The following ESRRB variants were observed in gnomAD, a reference collection of about 807,000 sequenced individuals.
The protein encoded by ESRRB is estrogen related receptor beta.
A neutral mutation model predicts 46.0 loss-of-function variants in ESRRB; 16 were observed. That is an observed-to-expected ratio of 0.35 (90% confidence interval 0.24 to 0.53). The LOEUF (loss-of-function observed/expected upper bound fraction) is 0.53. Ranked by LOEUF, ESRRB falls within the 20% of genes least tolerant of loss-of-function variation. The pLI, the probability that ESRRB is intolerant of heterozygous loss-of-function variation, is 0.93. For missense variants in ESRRB, 488 were observed against 607.4 expected, an observed-to-expected ratio of 0.80 and a Z score of 2.07; for synonymous variants, 246 against 259.6, an observed-to-expected ratio of 0.95 and a Z score of 0.50.
At chr14:76,486,549 A>T (rs1034682395) in intron 5 of ESRRB, among the ~76,000 whole-genome samples, 3 of 149,242 alleles carry the variant, frequency 2.0e-5, no homozygotes. Flanking sequence ...ACTTGCCACA[A>T]ATTACGTGCT....
At chr14:76,468,051 C>T (rs1411453002) in intron 3 of ESRRB, among the ~76,000 whole-genome samples, 2 of 152,136 alleles carry the variant, frequency 1.3e-5, no homozygotes, top group African/African-American at 2.4e-5. Context: ...GAGGGCTCCT[C>T]CGGGGATTCT....
At chr14:76,481,148 T>C (rs995976466) in intron 3 of ESRRB, among the ~76,000 whole-genome samples, 5 of 152,238 alleles carry the variant, frequency 3.3e-5, no homozygotes, top group African/African-American at 1.2e-4. Context: ...AACCAATTTG[T>C]TGGGATTCAT....
At chr14:76,434,615 G>A (rs1845414989) in intron 1 of ESRRB, among the ~76,000 whole-genome samples, 1 of 149,914 alleles carries the variant, frequency 6.7e-6, no homozygotes. Context: ...AGCCAAGATC[G>A]CACACCTGCA....
chr14:76,456,031 G>A (rs1888590012), intron 2 of ESRRB, among the ~76,000 whole-genome samples: 1 of 132,630 alleles, frequency 7.5e-6, no homozygotes, highest in African/African-American at 3.3e-5. Flanking sequence ...CAACAAGAGC[G>A]AAACTCGCAC....
Position 76,482,959 on chromosome 14 carries a change from C to T in ESRRB, c.850+200C>T, listed in dbSNP as rs1233848205. 6.6e-6 allele frequency among the ~76,000 whole-genome samples: 1 copy of T among 152,234 alleles called. No homozygotes were observed. The highest frequency in any genetic ancestry group is 2.4e-5 in the African/African-American group (1 of 41,452). ...CAGGTAGTTAGAAGACCCAGTGAGG[C>T]TTATACACTGCTGCAGGCTCTTCAG... On this transcript the variant is annotated intron_variant, in intron 5 of 6. Coordinates refer to ENST00000644823, the MANE Select transcript of ESRRB (RefSeq NM_001379180.1). This position sits in a 1 kb window ranked among gnomAD's most constrained non-coding sequence, Gnocchi z 4.3.
At chr14:76,439,935 CTG>C (rs746467218) in intron 2 of ESRRB, among the ~76,000 whole-genome samples, 185 bp downstream of exon 2, 1 of 152,152 alleles carries the variant, frequency 6.6e-6, no homozygotes, top group African/African-American at 2.4e-5. Context: ...AGCTGCAAGA[CTG>C]TTGTTGAGAT....
intron 3 of ESRRB, among the ~76,000 whole-genome samples, chr14:76,475,288 G>C (rs982487139): frequency 6.6e-6 from 1 of 150,852 alleles, no homozygotes; most frequent in African/African-American, 2.4e-5. Context: ...AGGATCACTG[G>C]AGCCCAGTAG....
intron 1 of ESRRB, among the ~76,000 whole-genome samples, chr14:76,382,435 A>G (rs1198166227): frequency 6.6e-6 from 1 of 152,110 alleles, no homozygotes; most frequent in African/African-American, 2.4e-5. Flanking sequence ...TGGCCTGGGT[A>G]GGGGTGGGGC....
chr14:76,390,567 A>G (rs1885426184), intron 1 of ESRRB, among the ~76,000 whole-genome samples: 1 of 152,220 alleles, frequency 6.6e-6, no homozygotes, highest in Admixed American at 6.5e-5. Flanking sequence ...TAGGTGCTCA[A>G]TAAATATTAG....
chr14:76,358,389 AAGAAAGAAAGAAAGAAAG>A (rs1566859681), intron 1 of ESRRB, among the ~76,000 whole-genome samples: 1 of 105,794 alleles, frequency 9.5e-6, no homozygotes, highest in East Asian at 2.2e-4. Flanking sequence ...GAAAGAAAGA[AAGAAAGAAAGAAAGAAAG>A]AAAGAAAAGA....
intron 2 of ESRRB, among the ~76,000 whole-genome samples, chr14:76,447,262 C>CTTCT (rs1888189834): frequency 8.7e-6 from 1 of 114,384 alleles, no homozygotes; most frequent in Non-Finnish European, 1.6e-5. Flanking sequence ...TCCTTCCTTC[C>CTTCT]TTCCTTCCTT....
chr14:76,372,039 A>G (rs1884637750), upstream of ESRRB, among the ~76,000 whole-genome samples: 2 of 152,046 alleles, frequency 1.3e-5, no homozygotes, highest in Non-Finnish European at 2.9e-5. Flanking sequence ...GGAGATTTTC[A>G]CCCGACCTCT....
At chr14:76,465,392 T>C (rs990531785) in intron 3 of ESRRB, among the ~76,000 whole-genome samples, 19 of 152,172 alleles carry the variant, frequency 1.2e-4, no homozygotes, top group Non-Finnish European at 1.9e-4. Context: ...GGGCACTTTC[T>C]AGTGGCTTCC....
chr14:76,412,390 A>G (rs570859794), intron 1 of ESRRB, among the ~76,000 whole-genome samples: 26 of 152,264 alleles, frequency 1.7e-4, no homozygotes, highest in African/African-American at 6.0e-4. Context: ...AACCTGGCTG[A>G]TGTGGTTTCA....
intron 1 of ESRRB, among the ~76,000 whole-genome samples, chr14:76,405,171 G>A (rs1043975004): frequency 6.6e-6 from 1 of 152,100 alleles, no homozygotes; most frequent in African/African-American, 2.4e-5. Flanking sequence ...CGTGATCAGA[G>A]CTCACTGCAG....
chr14:76,500,157 C>T lies in ESRRB; in HGVS notation c.*1699C>T, dbSNP rs766773182. 8.3e-5 allele frequency: 91 copies of T among 1,093,576 alleles called. No individual in the cohort carries two copies. Among genetic ancestry groups the T allele is most frequent in the South Asian group, 4.5e-4 (29 of 63,982 alleles). The allele number at this position is 1,093,576 out of a possible 1,614,324, so 67.7% of individuals were successfully genotyped here. A position where few individuals can be genotyped will look rare whatever the true frequency, so the allele number is the denominator to read the frequency against. On this transcript the variant is annotated 3_prime_UTR_variant, in exon 7 of 7. Coordinates refer to ENST00000644823, the MANE Select transcript of ESRRB (RefSeq NM_001379180.1). ...CCCGGCCTGGGCTTCTGGGCTGGGACGTGCTGAGGTCATCCCAGACAGGAG... is the reference window on the plus strand; with the variant it reads ...CCCGGCCTGGGCTTCTGGGCTGGGATGTGCTGAGGTCATCCCAGACAGGAG...
At chr14:76,355,039 G>A (rs1482139817) in intron 1 of ESRRB, among the ~76,000 whole-genome samples, 1 of 152,116 alleles carries the variant, frequency 6.6e-6, no homozygotes, top group African/African-American at 2.4e-5. Context: ...CACGGGCCAA[G>A]GAGGAGAGAA....
At chr14:76,368,000 T>C (rs1310880248), upstream of ESRRB, among the ~76,000 whole-genome samples, 2 of 136,424 alleles carry the variant, frequency 1.5e-5, no homozygotes, top group Non-Finnish European at 3.1e-5. Flanking sequence ...TCACCCAGCC[T>C]GGAGTGCAGT....
intron 1 of ESRRB, among the ~76,000 whole-genome samples, chr14:76,350,322 T>C (rs772857538): frequency 2.0e-5 from 3 of 152,216 alleles, no homozygotes; most frequent in Non-Finnish European, 4.4e-5. Context: ...TAGAAAACAC[T>C]GTGCTGGACA....
Sources: allele counts gnomAD v4.1 joint callset (sites outside exome capture counted in the v4.1 genomes callset), GRCh38; gene constraint gnomAD v4.1.1; non-coding constraint Gnocchi (gnomAD v3.1); transcripts MANE v1.5; gene names NCBI Gene and HGNC (gene_info 2026-07-23, HGNC 2026-07-21).